DIAPH2: variants seen among roughly 807,000 people sequenced by gnomAD.
The protein encoded by DIAPH2 is protein diaphanous homolog 2.
In DIAPH2, 35 loss-of-function variants were observed where a neutral mutation model predicts 92.7. The observed-to-expected ratio is 0.38, with a 90% CI of 0.29 to 0.50. The LOEUF (loss-of-function observed/expected upper bound fraction) is 0.50, where lower values mean the gene tolerates loss of function less well. Among genes scored for constraint, DIAPH2 ranks in the 20% least tolerant of loss-of-function variants. DIAPH2 has a pLI of 0.94. For missense variants in DIAPH2, 701 were observed against 819.5 expected (o/e 0.86, Z 1.77); for synonymous variants, 301 against 280.4 (o/e 1.07, Z -0.73).
chrX:97,243,389 G>A (rs1349024589), intron 22 of DIAPH2, among the ~76,000 whole-genome samples: 1 of 110,309 alleles, frequency 9.1e-6, no homozygotes, highest in Non-Finnish European at 1.9e-5. Context: ...GTTTTGCAGG[G>A]ACTCAGACTG....
At chrX:96,718,336 GTTTTTTTTTTTTTTTTTTTTTTT>G (rs962776012) in intron 1 of DIAPH2, among the ~76,000 whole-genome samples, 4 of 10,991 alleles carry the variant, frequency 3.6e-4, no homozygotes, top group East Asian at 0.014. Flanking sequence ...CATTTTCTTT[GTTTTTTTTTTTTTTTTTTTTTTT>G]TTTTTTTTTT....
At chrX:97,577,009 A>G (rs1410798430) in intron 26 of DIAPH2, among the ~76,000 whole-genome samples, 2 of 111,912 alleles carry the variant, frequency 1.8e-5, no homozygotes, top group Non-Finnish European at 3.8e-5. Flanking sequence ...CTAAGGAAGT[A>G]TCTTTCACTT....
intron 5 of DIAPH2, among the ~76,000 whole-genome samples, chrX:96,899,128 A>G (rs1040385865): frequency 9.0e-6 from 1 of 110,592 alleles, no homozygotes; most frequent in Admixed American, 9.6e-5. Context: ...TGGTTACTGT[A>G]GGCTTGTAGT....
intron 20 of DIAPH2, among the ~76,000 whole-genome samples, chrX:97,104,454 T>C (rs970729880): frequency 3.2e-4 from 35 of 110,118 alleles, no homozygotes; most frequent in African/African-American, 1.1e-3. Context: ...AGTGGCGAGA[T>C]CATACCTCAC....
intron 26 of DIAPH2, among the ~76,000 whole-genome samples, chrX:97,509,012 G>GTTATTTAT (rs56002860): frequency 0.21 from 19,155 of 90,252 alleles, 1,835 homozygotes; most frequent in Non-Finnish European, 0.25. Context: ...AGCATACAAA[G>GTTATTTAT]TTATTTATTT....
Position 97,063,738 on chromosome X carries a change from T to C in DIAPH2, c.2051-9203T>C, listed in dbSNP as rs757753650. Among the ~76,000 whole-genome samples the C allele has an allele frequency of 9.3e-4, 104 of 112,116 alleles. 1 individual carries two copies. Among genetic ancestry groups the C allele is most frequent in the Admixed American group, 1.1e-3 (12 of 10,602 alleles). ...AGGGGTAGTGTTGAACATTTTCTCATATTTGCAAAAGTGGAAGCAAGTATA... is the reference window on the plus strand; with the variant it reads ...AGGGGTAGTGTTGAACATTTTCTCACATTTGCAAAAGTGGAAGCAAGTATA... On this transcript the variant is annotated intron_variant, in intron 17 of 26. Transcript: ENST00000324765.
chrX:96,930,889 T>G, intron 10 of DIAPH2, 46 bp downstream of exon 10: 2 of 1,122,254 alleles, frequency 1.8e-6, no homozygotes, highest in Non-Finnish European at 2.4e-6. Flanking sequence ...TTTTAAAATT[T>G]TTTTCACTTC....
At chrX:97,457,919 C>T (rs977308120) in intron 26 of DIAPH2, among the ~76,000 whole-genome samples, 1 of 111,511 alleles carries the variant, frequency 9.0e-6, no homozygotes, top group African/African-American at 3.3e-5. Flanking sequence ...CGTCCCAGCC[C>T]CCAGAACTGT....
At chrX:97,040,883 C>T (rs909930577) in intron 17 of DIAPH2, among the ~76,000 whole-genome samples, 1 of 110,530 alleles carries the variant, frequency 9.0e-6, no homozygotes, top group Non-Finnish European at 1.9e-5. Context: ...ATATAATTTT[C>T]CTCTCCTTCA....
chrX:96,989,688 C>A (rs978976168), intron 17 of DIAPH2, among the ~76,000 whole-genome samples: 1 of 111,623 alleles, frequency 9.0e-6, no homozygotes, highest in Non-Finnish European at 1.9e-5. Context: ...ATTTGCTAAC[C>A]TGCATCTAAG....
intron 22 of DIAPH2, among the ~76,000 whole-genome samples, chrX:97,151,712 T>C: frequency 8.9e-6 from 1 of 111,864 alleles, no homozygotes; most frequent in African/African-American, 3.2e-5. Flanking sequence ...ATTTTTATTA[T>C]TTTATCTTTG....
At chrX:97,568,784 A>G (rs2071345101) in intron 26 of DIAPH2, among the ~76,000 whole-genome samples, 2 of 111,880 alleles carry the variant, frequency 1.8e-5, no homozygotes, top group Admixed American at 9.5e-5. Context: ...TAGTCACACT[A>G]TGTTTGTGGC....
At chrX:97,481,714 C>G (rs1265749974) in intron 26 of DIAPH2, among the ~76,000 whole-genome samples, 2 of 111,178 alleles carry the variant, frequency 1.8e-5, no homozygotes, top group African/African-American at 6.6e-5. Context: ...TTTTGTATCT[C>G]TACTCCCTAC....
chrX:97,590,852 A>G (rs1213918241), intron 26 of DIAPH2, among the ~76,000 whole-genome samples: 1 of 110,394 alleles, frequency 9.1e-6, no homozygotes, highest in Admixed American at 9.7e-5. Context: ...TTAAAGCAGA[A>G]CTCCTGTTTT....
In DIAPH2 at chrX:97,062,526, G is replaced by A. The variant is rs146817997; in HGVS notation, c.2051-10415G>A. On this transcript the variant is annotated intron_variant, in intron 17 of 26. Transcript: ENST00000324765. The stretch of plus-strand genomic sequence containing the variant: ...AGAGAATAGGAGGGAAGGACAGGGA[G>A]ATGGTGTCAGGCATTCTTCTGAGAT... 1.8e-3 allele frequency among the ~76,000 whole-genome samples: 198 copies of A among 111,388 alleles called. 2 individuals carry two copies. Among genetic ancestry groups the A allele is most frequent in the African/African-American group, 6.1e-3 (187 of 30,670 alleles).
chrX:97,471,690 CAAAAAAAAA>C (rs34891772), intron 26 of DIAPH2, among the ~76,000 whole-genome samples: 2 of 44,954 alleles, frequency 4.4e-5, no homozygotes, highest in Non-Finnish European at 7.5e-5. Flanking sequence ...AAATCCGTCT[CAAAAAAAAA>C]AAAAAAAAAA....
In DIAPH2 at chrX:96,715,192, A is replaced by ACAC. The variant is rs892454662; in HGVS notation, c.133-20565_133-20563dup. The stretch of plus-strand genomic sequence containing the variant: ...TTCTTATAGGATAAATGTATATTGC[A>ACAC]CACAAAATCACATGTATGATTTAAA... On this transcript the variant is annotated intron_variant, in intron 1 of 26. Coordinates refer to ENST00000324765, the MANE Select transcript of DIAPH2 (RefSeq NM_006729.5). 4.5e-4 allele frequency among the ~76,000 whole-genome samples: 50 copies of ACAC among 111,899 alleles called. 1 individual carries two copies. The highest frequency in any genetic ancestry group is 1.5e-3 in the African/African-American group (47 of 30,877).
chrX:96,809,027 A>G (rs1213981676), intron 4 of DIAPH2, among the ~76,000 whole-genome samples: 1 of 111,952 alleles, frequency 8.9e-6, no homozygotes, highest in African/African-American at 3.2e-5. Flanking sequence ...GACATATACA[A>G]TAAAATAGTA....
intron 26 of DIAPH2, among the ~76,000 whole-genome samples, chrX:97,544,073 T>C (rs996433663): frequency 9.0e-6 from 1 of 111,571 alleles, no homozygotes; most frequent in African/African-American, 3.3e-5. Context: ...TGACCATTGA[T>C]AGAAAAGAAA....
Sources: gnomAD v4.1 joint callset for allele counts (sites outside exome capture counted in the v4.1 genomes callset) on GRCh38, gnomAD v4.1.1 for gene constraint, MANE v1.5 for transcripts, NCBI Gene and HGNC (gene_info 2026-07-23, HGNC 2026-07-21) for gene names.